Variants in BYSL observed in about 807,000 individuals in gnomAD.
BYSL encodes bystin like.
In BYSL, 21 loss-of-function variants were observed where a neutral mutation model predicts 45.4. That is an observed-to-expected ratio of 0.46 (90% CI 0.33 to 0.67). BYSL has a LOEUF of 0.67. Among genes scored for constraint, BYSL ranks in the 30% least tolerant of loss-of-function variants. The pLI, the probability that BYSL is intolerant of heterozygous loss-of-function variation, is 0.02. For missense variants in BYSL, 522 were observed against 578.5 expected (o/e 0.90, Z 1.00); for synonymous variants, 215 against 231.3 (o/e 0.93, Z 0.64).
intron 3 of BYSL, 124 bp downstream of exon 3, chr6:41,930,394 T>G: frequency 2.2e-6 from 3 of 1,362,378 alleles, no homozygotes; most frequent in Non-Finnish European, 2.9e-6. Flanking sequence ...AAAACAGACC[T>G]AAGAGGCAGA....
At chr6:41,918,810 G>A (rs1290391767), upstream of BYSL, among the ~76,000 whole-genome samples, 60 of 150,436 alleles carry the variant, frequency 4.0e-4, no homozygotes, top group Non-Finnish European at 5.9e-5. Flanking sequence ...AGCCGGGCGC[G>A]GTGGCGGGCG....
chr6:41,909,408 A>G, the BYSL span: 16 of 1,614,136 alleles, frequency 9.9e-6, no homozygotes, highest in African/African-American at 1.3e-5. Context: ...GAGCTTCACC[A>G]TAAGCACATC....
At chr6:41,914,848 G>A in the BYSL span, among the ~76,000 whole-genome samples, 1 of 152,190 alleles carries the variant, frequency 6.6e-6, no homozygotes, top group African/African-American at 2.4e-5. Flanking sequence ...CCAATGGTTA[G>A]GTGTAAGAAA....
intron 1 of BYSL, among the ~76,000 whole-genome samples, chr6:41,922,287 G>A (rs1174967163): frequency 2.0e-5 from 3 of 152,174 alleles, no homozygotes; most frequent in Non-Finnish European, 4.4e-5. Context: ...CAATAGCATT[G>A]GTCTTGAGAA....
chr6:41,921,288 C>A, upstream of BYSL: 1 of 611,000 alleles, frequency 1.6e-6, no homozygotes. Flanking sequence ...CACTCTAGGC[C>A]TACATCCATG....
chr6:41,909,419 A>C, the BYSL span: 3 of 1,614,196 alleles, frequency 1.9e-6, no homozygotes, highest in Non-Finnish European at 2.5e-6. Context: ...TAAGCACATC[A>C]AAGTTGGTGT....
At chr6:41,926,972 T>C (rs1204703688) in intron 1 of BYSL, among the ~76,000 whole-genome samples, 1 of 151,348 alleles carries the variant, frequency 6.6e-6, no homozygotes, top group Non-Finnish European at 1.5e-5. Context: ...CTTATGCCTG[T>C]AGTCCCAGCT....
chr6:41,917,081 G>A, upstream of BYSL: 1 of 828,844 alleles, frequency 1.2e-6, no homozygotes, highest in Non-Finnish European at 1.7e-6. Context: ...CCCAATCCCT[G>A]CAACTTTATT....
intron 1 of BYSL, among the ~76,000 whole-genome samples, chr6:41,923,358 G>A (rs1330708145): frequency 6.0e-5 from 9 of 150,418 alleles, no homozygotes; most frequent in African/African-American, 1.7e-4. Context: ...GTGCAGTGGC[G>A]CAATCTTGGC....
chr6:41,916,944 A>T (rs1185412378), upstream of BYSL: 1 of 1,613,678 alleles, frequency 6.2e-7, no homozygotes, highest in Non-Finnish European at 8.5e-7. Flanking sequence ...GACACACTGG[A>T]AAGGAGAGCA....
chr6:41,926,585 G>A (rs1775566746), intron 1 of BYSL, among the ~76,000 whole-genome samples: 1 of 151,318 alleles, frequency 6.6e-6, no homozygotes, highest in African/African-American at 2.4e-5. Context: ...CAAATAGCTG[G>A]GACTACAGGC....
Position 41,932,824 on chromosome 6 carries a change from T to A in BYSL, c.*118T>A. 9.2e-7 allele frequency: 1 copy of A among 1,089,978 alleles called. No homozygotes were observed. Among genetic ancestry groups the A allele is most frequent in the Non-Finnish European group, 1.3e-6 (1 of 774,974 alleles). 67.5% of individuals were successfully genotyped at this position (1,089,978 alleles called of 1,614,324 possible). A position where few individuals can be genotyped will look rare whatever the true frequency, so the allele number is the denominator to read the frequency against. On this transcript the variant is annotated 3_prime_UTR_variant, in exon 7 of 7. Transcript: ENST00000230340. The surrounding 1 kb of genome is among the most constrained non-coding windows in gnomAD (Gnocchi z 4.7). ...AGACCCAGATCAGGGCAGTGACAGA[T>A]CACAGGGACATCTGTGGCTCCCAGT...
chr6:41,921,156 G>A, upstream of BYSL: 1 of 1,141,208 alleles, frequency 8.8e-7, no homozygotes, highest in Non-Finnish European at 1.2e-6. Flanking sequence ...ACAGAGCGCC[G>A]GGTCCACGCC....
At position 41,932,320 on chromosome 6, in the gene BYSL, G is replaced by C. The variant is rs749021846; in HGVS notation, c.969-41G>C. The stretch of plus-strand genomic sequence containing the variant: ...GGAGAAGTAGGATCCTTCTTCCAAT[G>C]TTTTCCCTGCTTACTCTACCCCACC... On this transcript the variant is annotated intron_variant, in intron 6 of 6. Coordinates refer to ENST00000230340, the MANE Select transcript of BYSL (RefSeq NM_004053.4). This position sits in a 1 kb window ranked among gnomAD's most constrained non-coding sequence, Gnocchi z 4.7. 3.8e-6 allele frequency: 6 copies of C among 1,564,032 alleles called. No individual in the cohort carries two copies. Among genetic ancestry groups the C allele is most frequent in the Non-Finnish European group, 5.2e-6 (6 of 1,149,650 alleles).
intron 6 of BYSL, 140 bp downstream of exon 6, chr6:41,931,970 A>G (rs1775647482): frequency 8.9e-6 from 7 of 788,366 alleles, no homozygotes; most frequent in South Asian, 1.6e-5. Context: ...GAGTAGGTGT[A>G]TCATTATCCC....
chr6:41,927,249 C>A, intron 1 of BYSL, 125 bp from the exon 2 acceptor site: 2 of 1,175,144 alleles, frequency 1.7e-6, no homozygotes, highest in South Asian at 3.2e-5. Context: ...ATTTGTTTCA[C>A]TGCACATACC....
In BYSL at chr6:41,921,585, G is replaced by T. The variant is rs143551764; in HGVS notation, c.23G>T (p.Arg8Leu). The change falls in exon 1 of 7, where the codon CGT becomes CTT. Residue 8 changes from arginine (R) to leucine (L), a missense_variant. Arg to Leu is a moderately radical substitution (Grantham distance 102). Coordinates refer to ENST00000230340, the MANE Select transcript of BYSL (RefSeq NM_004053.4). The part of the protein sequence containing the change: MPKFKAA[R>L]GVGGQEKHAP... ...AAAATGCCCAAATTCAAGGCGGCCC[G>T]TGGGGTGGGGGGTCAGGAAAAACAT... is the stretch of plus-strand genomic sequence containing the variant. The T allele has an allele frequency of 2.5e-6, 4 of 1,585,104 alleles. No individual in the cohort carries two copies. The highest frequency in any genetic ancestry group is 1.4e-5 in the African/African-American group (1 of 73,932).
intron 4 of BYSL, 78 bp downstream of exon 4, chr6:41,930,846 C>T: frequency 6.6e-7 from 1 of 1,517,048 alleles, no homozygotes; most frequent in Non-Finnish European, 8.8e-7. Context: ...TTCCTTGCCT[C>T]TGGCCCCAGG....
At chr6:41,929,897 G>A (rs970309410) in intron 2 of BYSL, among the ~76,000 whole-genome samples, 2 of 152,218 alleles carry the variant, frequency 1.3e-5, no homozygotes, top group East Asian at 1.9e-4. Flanking sequence ...AATAACCTCC[G>A]TACAACTGCT....
Sources: gnomAD v4.1 joint callset for allele counts (sites outside exome capture counted in the v4.1 genomes callset) on GRCh38, gnomAD v4.1.1 for gene constraint, Gnocchi (gnomAD v3.1) non-coding constraint, MANE v1.5 for transcripts, NCBI Gene and HGNC (gene_info 2026-07-23, HGNC 2026-07-21) for gene names.